Variants in HDAC9 observed in about 807,000 individuals in gnomAD.
HDAC9 encodes the protein histone deacetylase 9.
In HDAC9, 41 loss-of-function variants were observed where a neutral mutation model predicts 139.4. That is an observed-to-expected ratio of 0.29 (90% confidence interval 0.23 to 0.38). The LOEUF is 0.38. Among genes scored for constraint, HDAC9 ranks in the 10% least tolerant of loss-of-function variants. The pLI is 1.00. For missense variants in HDAC9, 1,147 were observed against 1,297.0 expected (o/e 0.88, Z 1.78); for synonymous variants, 517 against 476.2 (o/e 1.09, Z -1.12).
At chr7:18,382,340 C>T (rs1235992974) in intron 1 of HDAC9, among the ~76,000 whole-genome samples, 1 of 152,290 alleles carries the variant, frequency 6.6e-6, no homozygotes, top group Non-Finnish European at 1.5e-5. Context: ...CCACCTCCAC[C>T]ATGGTATTCT....
intron 17 of HDAC9, among the ~76,000 whole-genome samples, chr7:18,805,088 C>A (rs1427649883): frequency 6.6e-6 from 1 of 152,158 alleles, no homozygotes; most frequent in Non-Finnish European, 1.5e-5. Context: ...TGAGCCCCTG[C>A]GCCTGGCCCA....
At chr7:18,547,667 CT>C (rs1815444097) in intron 2 of HDAC9, among the ~76,000 whole-genome samples, 1 of 152,216 alleles carries the variant, frequency 6.6e-6, no homozygotes, top group Non-Finnish European at 1.5e-5. Flanking sequence ...ACTAGAACTT[CT>C]TTCAAAATTG....
At chr7:18,853,648 T>C (rs1022749344) in intron 21 of HDAC9, among the ~76,000 whole-genome samples, 10 of 152,194 alleles carry the variant, frequency 6.6e-5, no homozygotes, top group Non-Finnish European at 1.3e-4. Context: ...ATTTAAGAGT[T>C]CAGCTTTTAA....
In HDAC9 at chr7:18,312,703, G is replaced by A. The variant is rs549916058; in HGVS notation, c.-42+22188G>A. On this transcript the variant is annotated intron_variant, in intron 1 of 3. Coordinates refer to the HDAC9 transcript ENST00000413509. ...TGATAAAGATCAAATTGTTGAATTA[G>A]GTCAGGTTTGTGTCAGGAAGTTGCT... Among the ~76,000 whole-genome samples the A allele has an allele frequency of 3.9e-5, 6 of 152,200 alleles. No homozygotes were observed. The South Asian group carries it at 1.0e-3, about 26-fold the overall frequency.
Position 18,733,092 on chromosome 7 carries a change from CAT to C in HDAC9, c.1909+5336_1909+5337del, listed in dbSNP as rs539847226. ...ATATACACATGTATACACATATATACATGTGTATATATACATATATATGTGTA... is the reference window on the plus strand; with the variant it reads ...ATATACACATGTATACACATATATACGTGTATATATACATATATATGTGTA... On this transcript the variant is annotated intron_variant, in intron 13 of 25. Transcript: ENST00000686413. Among the ~76,000 whole-genome samples the C allele has an allele frequency of 4.5e-3, 643 of 142,644 alleles. 7 individuals are homozygous for C. The highest frequency in any genetic ancestry group is 0.016 in the African/African-American group (621 of 38,444). The allele number at this position is 142,644 out of a possible 152,430, so 93.6% of individuals were successfully genotyped here.
chr7:18,833,961 A>T (rs948769986), intron 19 of HDAC9, among the ~76,000 whole-genome samples: 3 of 152,190 alleles, frequency 2.0e-5, no homozygotes, highest in African/African-American at 7.2e-5. Flanking sequence ...CAGGTTTGCC[A>T]AGAGGATCAA....
At position 18,866,792 on chromosome 7, in the gene HDAC9, G is replaced by C. The variant is rs553702825; in HGVS notation, c.2685-7686G>C. 7.9e-5 allele frequency among the ~76,000 whole-genome samples: 12 copies of C among 152,322 alleles called. No individual in the cohort carries two copies. The East Asian group carries it at 2.3e-3, about 29-fold the overall frequency. On this transcript the variant is annotated intron_variant, in intron 21 of 25. Transcript: ENST00000686413. Reference sequence around the variant, plus strand: ...TCTTGCAACTGAGCACGTCAAATGAGTGGGTAGCGTCTTATGCCGTTCACT... The same window carrying C: ...TCTTGCAACTGAGCACGTCAAATGACTGGGTAGCGTCTTATGCCGTTCACT...
At chr7:18,249,975 G>T (rs892624323) in intron 2 of HDAC9, among the ~76,000 whole-genome samples, 1 of 152,166 alleles carries the variant, frequency 6.6e-6, no homozygotes, top group Non-Finnish European at 1.5e-5. Flanking sequence ...CAGCTGTGAA[G>T]TAAATAACCA....
At chr7:18,750,312 AG>A (rs1184510308) in intron 14 of HDAC9, among the ~76,000 whole-genome samples, 2 of 152,190 alleles carry the variant, frequency 1.3e-5, no homozygotes, top group Admixed American at 6.5e-5. Context: ...CTATGTTACA[AG>A]GGAAATTAAT....
chr7:18,841,537 G>A (rs1451295032), intron 21 of HDAC9, among the ~76,000 whole-genome samples: 1 of 152,168 alleles, frequency 6.6e-6, no homozygotes, highest in East Asian at 1.9e-4. Context: ...GCTTCGGTAG[G>A]TTTCCTGATG....
At chr7:18,610,210 CA>C (rs1203666055) in intron 6 of HDAC9, among the ~76,000 whole-genome samples, 1 of 152,102 alleles carries the variant, frequency 6.6e-6, no homozygotes, top group Non-Finnish European at 1.5e-5. Flanking sequence ...AAGCAAGCAC[CA>C]AATACAAATT....
chr7:18,915,679 C>T (rs958258872), intron 22 of HDAC9, among the ~76,000 whole-genome samples: 26 of 150,210 alleles, frequency 1.7e-4, no homozygotes, highest in African/African-American at 6.3e-4. Context: ...AACTTCAAAG[C>T]GACCCCGCAT....
chr7:18,647,713 T>C (rs1787888745), intron 9 of HDAC9, 72 bp from the exon 10 acceptor site: 1 of 1,288,406 alleles, frequency 7.8e-7, no homozygotes, highest in Non-Finnish European at 1.1e-6. Flanking sequence ...AGGAAACTTG[T>C]CTAATGATTT....
At chr7:18,498,151 CA>C (rs1443791591) in intron 2 of HDAC9, among the ~76,000 whole-genome samples, 1 of 152,126 alleles carries the variant, frequency 6.6e-6, no homozygotes, top group African/African-American at 2.4e-5. Context: ...AATACATAAT[CA>C]CTAAGTTCTA....
chr7:18,355,530 A>G (rs549548941), intron 1 of HDAC9, among the ~76,000 whole-genome samples: 3 of 152,320 alleles, frequency 2.0e-5, no homozygotes, highest in South Asian at 2.1e-4. Flanking sequence ...AATCCTTTAT[A>G]AAACCTTGGG....
At chr7:18,594,141 TCC>T in intron 6 of HDAC9, 112 bp downstream of exon 6, 1 of 1,026,506 alleles carries the variant, frequency 9.7e-7, no homozygotes, top group South Asian at 1.5e-5. Flanking sequence ...ATAATATACC[TCC>T]CCACCCCTGC....
At chr7:18,643,211 C>A (rs1391377306) in intron 8 of HDAC9, among the ~76,000 whole-genome samples, 2 of 152,072 alleles carry the variant, frequency 1.3e-5, no homozygotes, top group Admixed American at 1.3e-4. Flanking sequence ...AGCAAGTATG[C>A]AACTCTGTCT....
At chr7:18,103,652 C>T (rs73313998) in intron 1 of HDAC9, among the ~76,000 whole-genome samples, 3,497 of 152,170 alleles carry the variant, frequency 0.023, 139 homozygotes, top group African/African-American at 0.079. Context: ...CCTCACTTAT[C>T]GTTATGGATA....
At chr7:18,251,911 T>A (rs1794938038) in intron 2 of HDAC9, among the ~76,000 whole-genome samples, 1 of 152,178 alleles carries the variant, frequency 6.6e-6, no homozygotes, top group Admixed American at 6.5e-5. Flanking sequence ...AGGAGGGAAA[T>A]TAGATGCACT....
Sources: gnomAD v4.1 joint callset for allele counts (sites outside exome capture counted in the v4.1 genomes callset) on GRCh38, gnomAD v4.1.1 for gene constraint, MANE v1.5 for transcripts, NCBI Gene and HGNC (gene_info 2026-07-23, HGNC 2026-07-21) for gene names.